Variants in ACACB observed in about 807,000 individuals in gnomAD.
ACACB encodes acetyl-CoA carboxylase beta, also known as acetyl-CoA carboxylase 2.
ACACB carries 209 observed loss-of-function variants against 278.8 expected under a neutral mutation model. That is an observed-to-expected ratio of 0.75 (90% CI 0.67 to 0.84). The LOEUF (loss-of-function observed/expected upper bound fraction) is 0.84, where lower values mean the gene tolerates loss of function less well. Among genes scored for constraint, ACACB ranks in the 40% least tolerant of loss-of-function variants. ACACB has a pLI of 0.00. For synonymous variants in ACACB, 1,174 were observed against 1,285.6 expected, an observed-to-expected ratio of 0.91 and a Z score of 1.86; for missense variants, 2,850 against 3,269.0, an observed-to-expected ratio of 0.87 and a Z score of 3.13.
rs1182067445 is a variant in ACACB, at chr12:109,267,687, G to C, written c.*1325G>C. 6.6e-6 allele frequency: 1 copy of C among 152,438 alleles called. No individual in the cohort carries two copies. Among genetic ancestry groups the C allele is most frequent in the African/African-American group, 2.4e-5 (1 of 41,460 alleles). The allele number at this position is 152,438 out of a possible 1,614,324, so 9.4% of individuals were successfully genotyped here. Reference sequence around the variant, plus strand: ...CGGTGACTGAGGACTGGACTGTGGTGACCATGCCGATTTGCTCAGGGAGAA... The same window carrying C: ...CGGTGACTGAGGACTGGACTGTGGTCACCATGCCGATTTGCTCAGGGAGAA... On this transcript the variant is annotated 3_prime_UTR_variant, in exon 53 of 53. Coordinates refer to ENST00000338432, the MANE Select transcript of ACACB (RefSeq NM_001093.4).
At chr12:109,226,699 C>CA (rs531983826) in intron 27 of ACACB, among the ~76,000 whole-genome samples, 27,418 of 73,920 alleles carry the variant, frequency 0.37, 3,892 homozygotes, top group African/African-American at 0.45. Flanking sequence ...AACTCCATCT[C>CA]AAAAAAAAAA....
At chr12:109,112,257 T>G (rs2042315914), upstream of ACACB, among the ~76,000 whole-genome samples, 1 of 146,690 alleles carries the variant, frequency 6.8e-6, no homozygotes, top group Non-Finnish European at 1.5e-5. Context: ...TATATGTATG[T>G]ATATTCAATA....
chr12:109,246,719 G>T (rs1372183057), intron 39 of ACACB, among the ~76,000 whole-genome samples: 1 of 152,136 alleles, frequency 6.6e-6, no homozygotes, highest in Non-Finnish European at 1.5e-5. Context: ...TATACACTGA[G>T]CGCTCCTGAA....
rs1565927021 is a variant in ACACB at position 109,210,201 on chromosome 12, A to ATATATACACACATGTG, written c.3249+853_3249+854insACACACATGTGTATAT. ...TATATATACACACGTGTGTATATGT[A>ATATATACACACATGTG]TATATGTATATATACACACATGTGT... On this transcript the variant is annotated intron_variant, in intron 21 of 52. Transcript: ENST00000338432. Among the ~76,000 whole-genome samples the ATATATACACACATGTG allele has an allele frequency of 4.4e-4, 6 of 13,586 alleles. 1 individual carries two copies. The highest frequency in any genetic ancestry group is 6.0e-4 in the Non-Finnish European group (4 of 6,626). 8.9% of individuals were successfully genotyped at this position (13,586 alleles called of 152,430 possible).
In ACACB at chr12:109,246,430, C is replaced by T; in HGVS notation, c.5553C>T (p.Asp1851=). ...ACATGTTCCACGTGGCTTGGGTGGA[C>T]CCAGAAGACCCCCACAAAGTACGTC... ...IKHMFHVAWV[D]PEDPHKGFKY... The change falls in exon 39 of 53, where the codon GAC becomes GAT. Residue 1851 remains aspartate, a synonymous_variant. Transcript: ENST00000338432. 1 of 1,610,922 alleles carries T rather than the reference C, an allele frequency of 6.2e-7. No individual in the cohort carries two copies. The highest frequency in any genetic ancestry group is 8.5e-7 in the Non-Finnish European group (1 of 1,177,720).
At chr12:109,129,225 T>C (rs1345145586) in intron 1 of ACACB, among the ~76,000 whole-genome samples, 3 of 152,132 alleles carry the variant, frequency 2.0e-5, no homozygotes, top group Non-Finnish European at 4.4e-5. Context: ...TGGACAGAAA[T>C]TCTGCATGTA....
chr12:109,256,089 GC>G, intron 44 of ACACB, 50 bp from the exon 45 acceptor site: 3 of 1,528,898 alleles, frequency 2.0e-6, no homozygotes, highest in Non-Finnish European at 9.0e-7. Context: ...TGTCCTGGGG[GC>G]CCCCAGCCAC....
chr12:109,117,809 G>A (rs1382111463), intron 1 of ACACB, among the ~76,000 whole-genome samples: 6 of 152,152 alleles, frequency 3.9e-5, no homozygotes, highest in African/African-American at 1.4e-4. Flanking sequence ...TATTATTTGA[G>A]ATGGAGTGCT....
chr12:109,210,161 GTATATGTA>G lies in ACACB; in HGVS notation c.3249+822_3249+829del, dbSNP rs1211597679. On this transcript the variant is annotated intron_variant, in intron 21 of 52. Transcript: ENST00000338432. Reference sequence around the variant, plus strand: ...TATATATGTATATATACACACGTGTGTATATGTATATATGTATATATACACACGTGTGT... The same window carrying G: ...TATATATGTATATATACACACGTGTGTATATGTATATATACACACGTGTGT... Among the ~76,000 whole-genome samples the G allele has an allele frequency of 9.7e-4, 44 of 45,272 alleles. 7 individuals are homozygous for G. Among genetic ancestry groups the G allele is most frequent in the Admixed American group, 2.1e-3 (10 of 4,716 alleles). 29.7% of individuals were successfully genotyped at this position (45,272 alleles called of 152,430 possible).
intron 4 of ACACB, among the ~76,000 whole-genome samples, chr12:109,170,020 T>A (rs1307247501): frequency 6.6e-6 from 1 of 152,214 alleles, no homozygotes; most frequent in East Asian, 1.9e-4. Flanking sequence ...ACCCCTGTGT[T>A]TGGATTGAGT....
intron 2 of ACACB, among the ~76,000 whole-genome samples, chr12:109,165,875 CT>C (rs2043879526): frequency 6.6e-6 from 1 of 152,148 alleles, no homozygotes; most frequent in Admixed American, 6.5e-5. Flanking sequence ...TTGTTTAGGA[CT>C]ATGGAGATGT....
At chr12:109,260,094 T>C (rs2047339150) in intron 47 of ACACB, 1 of 1,364,528 alleles carries the variant, frequency 7.3e-7, no homozygotes, top group Non-Finnish European at 9.7e-7. Flanking sequence ...AGATGTGTCT[T>C]GGTGGAAGAT....
chr12:109,174,269 G>A (rs2044211975), intron 7 of ACACB, 39 bp downstream of exon 7: 1 of 1,519,460 alleles, frequency 6.6e-7, no homozygotes, highest in Non-Finnish European at 9.0e-7. Flanking sequence ...GAGCTTCTCA[G>A]CCCAGTCTTG....
At chr12:109,190,272 G>A (rs958256870) in intron 13 of ACACB, among the ~76,000 whole-genome samples, 4 of 152,196 alleles carry the variant, frequency 2.6e-5, no homozygotes, top group Non-Finnish European at 5.9e-5. Context: ...ATTTTTAGTA[G>A]AGACGGGATT....
At chr12:109,216,544 TAA>T in intron 22 of ACACB, 72 bp from the exon 23 acceptor site, 3 of 1,428,478 alleles carry the variant, frequency 2.1e-6, no homozygotes, top group Non-Finnish European at 1.9e-6. Context: ...TTAAAAATCA[TAA>T]AAAAAAATAC....
intron 22 of ACACB, 35 bp from the exon 23 acceptor site, chr12:109,216,583 T>C: frequency 6.3e-7 from 1 of 1,587,282 alleles, no homozygotes; most frequent in Non-Finnish European, 8.7e-7. Flanking sequence ...CAAGGAAGGG[T>C]GTGAGCATTA....
At chr12:109,196,772 T>A (rs2045145400) in intron 16 of ACACB, among the ~76,000 whole-genome samples, 1 of 152,148 alleles carries the variant, frequency 6.6e-6, no homozygotes, top group Non-Finnish European at 1.5e-5. Context: ...AGGGACTATA[T>A]AAGCGGCCAT....
chr12:109,226,365 C>T (rs974125207), intron 27 of ACACB, among the ~76,000 whole-genome samples: 2 of 151,876 alleles, frequency 1.3e-5, no homozygotes, highest in East Asian at 3.9e-4. Context: ...AAACTATAGA[C>T]CATGGACCAT....
chr12:109,253,671 G>A (rs770440385), intron 43 of ACACB, among the ~76,000 whole-genome samples: 19 of 152,174 alleles, frequency 1.2e-4, no homozygotes, highest in East Asian at 7.7e-4. Context: ...GGGGACAATC[G>A]TGGGCACAGT....
Sources: gnomAD v4.1 joint callset for allele counts (sites outside exome capture counted in the v4.1 genomes callset) on GRCh38, gnomAD v4.1.1 for gene constraint, MANE v1.5 for transcripts, NCBI Gene and HGNC (gene_info 2026-07-23, HGNC 2026-07-21) for gene names.